CDHR2: variants seen among roughly 807,000 people sequenced by gnomAD.
CDHR2 encodes the protein cadherin-related family member 2.
In CDHR2, 104 loss-of-function variants were observed where a neutral mutation model predicts 138.6. The ratio of observed to expected loss-of-function variants is 0.75; its 90% CI spans 0.64 to 0.88. The LOEUF is 0.88. Ranked by LOEUF, CDHR2 falls within the 40% of genes least tolerant of loss-of-function variation. CDHR2 has a pLI of 0.00. For missense variants in CDHR2, 1,624 were observed against 1,727.6 expected (o/e 0.94, Z 1.06); for synonymous variants, 755 against 742.8 (o/e 1.02, Z -0.27).
Position 176,586,112 on chromosome 5 carries a change from G to C in CDHR2, c.2806+87G>C, listed in dbSNP as rs1215349438. On this transcript the variant is annotated intron_variant, in intron 20 of 31. Coordinates refer to ENST00000261944, the MANE Select transcript of CDHR2 (RefSeq NM_017675.6). ...CCGACAGACCCTCCTTGGACCCCAG[G>C]GGGAGCCTTTAGAAAGGGGGGAAGG... The C allele has an allele frequency of 4.7e-6, 5 of 1,061,882 alleles. No homozygotes were observed. In the East Asian group the frequency reaches 1.2e-4, roughly 25 times the overall value. The allele number at this position is 1,061,882 out of a possible 1,614,324, so 65.8% of individuals were successfully genotyped here.
intron 30 of CDHR2, 97 bp downstream of exon 30, chr5:176,591,581 C>A (rs897495280): frequency 3.3e-6 from 3 of 920,436 alleles, no homozygotes; most frequent in Middle Eastern, 2.2e-4. Flanking sequence ...ATGGTGATGA[C>A]AATGGTGATG....
At chr5:176,585,841 C>A in intron 19 of CDHR2, 113 bp from the exon 20 acceptor site, 1 of 786,074 alleles carries the variant, frequency 1.3e-6, no homozygotes, top group Non-Finnish European at 2.1e-6. Flanking sequence ...CTGCGGGGCA[C>A]GGGGTTGAGG....
At chr5:176,574,851 A>G (rs1758326666) in intron 7 of CDHR2, among the ~76,000 whole-genome samples, 1 of 152,206 alleles carries the variant, frequency 6.6e-6, no homozygotes, top group South Asian at 2.1e-4. Context: ...TGTGGAAGCC[A>G]CAGAGATGGA....
At chr5:176,565,157 C>T (rs1013187865) in intron 1 of CDHR2, 181 bp from the exon 2 acceptor site, 11 of 594,912 alleles carry the variant, frequency 1.8e-5, no homozygotes, top group African/African-American at 1.7e-4. Context: ...CCCACCTGGC[C>T]TCCCCCTTGG....
intron 1 of CDHR2, among the ~76,000 whole-genome samples, chr5:176,560,132 C>T (rs1401131923): frequency 6.6e-6 from 1 of 152,234 alleles, no homozygotes; most frequent in Non-Finnish European, 1.5e-5. Flanking sequence ...CGCAGTGGCT[C>T]ACGCCTGTAA....
Position 176,580,170 on chromosome 5 carries a change from TCACA to T in CDHR2, c.1819-1167_1819-1164del, listed in dbSNP as rs551842923. ...CTCACACACACACTCACACACGCAC[TCACA>T]CACACTCACACACGCACTCACAGAC... On this transcript the variant is annotated intron_variant, in intron 16 of 31. Coordinates refer to ENST00000261944, the MANE Select transcript of CDHR2 (RefSeq NM_017675.6). Among the ~76,000 whole-genome samples the T allele has an allele frequency of 5.7e-4, 85 of 148,030 alleles. No homozygotes were observed. The East Asian group carries it at 0.015, about 27-fold the overall frequency.
Position 176,552,099 on chromosome 5 carries a change from G to A in CDHR2, c.-16+2685G>A, listed in dbSNP as rs538554091. On this transcript the variant is annotated intron_variant, in intron 1 of 31. Coordinates refer to ENST00000261944, the MANE Select transcript of CDHR2 (RefSeq NM_017675.6). ...CTGGGACCTTGTTTCACACCCATGC[G>A]TTGGCCTGAGGCTGCCCCAGCAGGG... Among the ~76,000 whole-genome samples the A allele has an allele frequency of 3.9e-5, 6 of 152,312 alleles. No individual in the cohort carries two copies. In the South Asian group the frequency reaches 8.3e-4, roughly 21 times the overall value.
intron 20 of CDHR2, 85 bp downstream of exon 20, chr5:176,586,110 AG>A (rs35000974): frequency 9.4e-6 from 10 of 1,064,788 alleles, no homozygotes; most frequent in African/African-American, 1.6e-5. Context: ...CTTGGACCCC[AG>A]GGGGAGCCTT....
Position 176,584,427 on chromosome 5 carries a change from G to A in CDHR2, c.2146G>A (p.Val716Met), listed in dbSNP as rs1309224228. 1.3e-6 allele frequency: 2 copies of A among 1,598,904 alleles called. No individual in the cohort carries two copies. Among genetic ancestry groups the A allele is most frequent in the Non-Finnish European group, 1.7e-6 (2 of 1,170,570 alleles). ...EEDPGVLVGV[V>M]KAWDADQTEA... ...GTCCACAGGAGTGCTAGTGGGCGTG[G>A]TGAAGGCCTGGGACGCGGACCAGAC... Residue 716 changes from valine to methionine, a missense_variant, in exon 19 of 32, where the codon GTG becomes ATG. Around this residue, in one of 3 missense-constraint regions of CDHR2, gnomAD observed 1,061 missense variants for 1,136.6 expected, o/e 0.93. Coordinates refer to ENST00000261944, the MANE Select transcript of CDHR2 (RefSeq NM_017675.6).
chr5:176,565,810 T>C, intron 3 of CDHR2, 67 bp downstream of exon 3: 1 of 1,243,550 alleles, frequency 8.0e-7, no homozygotes, highest in Non-Finnish European at 1.2e-6. Context: ...TGGGGTGCCC[T>C]CTGGAGCCCC....
rs1270219515 is a variant in CDHR2, at chr5:176,543,107, G to A, written c.-16+338G>A. 1.3e-5 allele frequency among the ~76,000 whole-genome samples: 2 copies of A among 151,466 alleles called. No homozygotes were observed. The highest frequency in any genetic ancestry group is 6.6e-5 in the Admixed American group (1 of 15,242). On this transcript the variant is annotated intron_variant, in intron 1 of 31. Transcript: ENST00000510636. The surrounding 1 kb of genome is among the most constrained non-coding windows in gnomAD (Gnocchi z 4.0). ...CGGCGCAGCTCCCGCTGCCGGGCCC[G>A]GGACTGCGAGCTCCCGCCGTGCGGG...
intron 1 of CDHR2, among the ~76,000 whole-genome samples, chr5:176,544,193 T>A (rs549406948): frequency 3.9e-5 from 6 of 152,342 alleles, no homozygotes; most frequent in Non-Finnish European, 7.3e-5. Flanking sequence ...CCGGGTCTAC[T>A]TAGTTTTTAA....
rs758415121 is a variant in CDHR2, at chr5:176,584,239, C to T, written c.2108C>T (p.Thr703Met). 10 of 1,613,910 alleles carry T rather than the reference C, an allele frequency of 6.2e-6. No individual in the cohort carries two copies. The highest frequency in any genetic ancestry group is 2.2e-5 in the East Asian group (1 of 44,892). The change falls in exon 18 of 32, where the codon ACG becomes ATG. Residue 703 changes from threonine (T) to methionine (M), a missense_variant. Around this residue, in one of 3 missense-constraint regions of CDHR2, gnomAD observed 1,061 missense variants for 1,136.6 expected, o/e 0.93. Transcript: ENST00000261944. ...PIFNQSSYNF[T>M]VKEEDPGVLV... ...TTCAATCAGTCCAGCTACAACTTTACGGTGAAGGAGGAGGATCCAGGTATG... is the reference window on the plus strand; with the variant it reads ...TTCAATCAGTCCAGCTACAACTTTATGGTGAAGGAGGAGGATCCAGGTATG...
chr5:176,547,272 A>T (rs1297693845), upstream of CDHR2, among the ~76,000 whole-genome samples: 5 of 152,228 alleles, frequency 3.3e-5, no homozygotes, highest in Middle Eastern at 3.4e-3. Flanking sequence ...CCACCAGCCT[A>T]TGCAAATGTT....
At chr5:176,573,596 G>A (rs750331913) in intron 6 of CDHR2, among the ~76,000 whole-genome samples, 2 of 151,798 alleles carry the variant, frequency 1.3e-5, no homozygotes, top group East Asian at 1.9e-4. Context: ...ACAGTGAGCC[G>A]AGATCGTGCC....
Position 176,591,482 on chromosome 5 carries a change from C to G in CDHR2, c.3732C>G (p.Val1244=), listed in dbSNP as rs924610243. 6.8e-6 allele frequency: 11 copies of G among 1,611,658 alleles called. No individual in the cohort carries two copies. The highest frequency in any genetic ancestry group is 9.3e-6 in the Non-Finnish European group (11 of 1,178,002). Reference sequence around the variant, plus strand: ...CTCCCTCCAATGACCTGGACTCTGTCAGGTGAGCAGTGCCCCTCACAGCCA... The same window carrying G: ...CTCCCTCCAATGACCTGGACTCTGTGAGGTGAGCAGTGCCCCTCACAGCCA... ...YLSPSNDLDS[V]SVNSLDDNSV... is the part of the protein sequence containing the mutation. Residue 1244 remains valine (V), a splice_region_variant and synonymous_variant, in exon 30 of 32, where the codon GTC becomes GTG. Coordinates refer to ENST00000261944, the MANE Select transcript of CDHR2 (RefSeq NM_017675.6).
intron 30 of CDHR2, among the ~76,000 whole-genome samples, chr5:176,592,084 G>GTGA (rs1758875550): frequency 7.5e-6 from 1 of 132,582 alleles, no homozygotes; most frequent in East Asian, 2.0e-4. Flanking sequence ...AGTTATCGTG[G>GTGA]TGGTGGTGGT....
intron 16 of CDHR2, 126 bp from the exon 17 acceptor site, chr5:176,581,217 C>A: frequency 7.8e-7 from 1 of 1,278,222 alleles, no homozygotes; most frequent in Non-Finnish European, 1.1e-6. Flanking sequence ...GGAGATGGGC[C>A]CAGGGGCTCC....
At position 176,552,602 on chromosome 5, in the gene CDHR2, G is replaced by A. The variant is rs142789222; in HGVS notation, c.-16+3188G>A. On this transcript the variant is annotated intron_variant, in intron 1 of 31. Transcript: ENST00000261944. ...TAGCATTGGGGCAGGCCGTTATTGC[G>A]CCTTCGCCAGCCCACACAGACACTG... 4.8e-3 allele frequency among the ~76,000 whole-genome samples: 728 copies of A among 152,180 alleles called. 8 individuals are homozygous for A. Among genetic ancestry groups the A allele is most frequent in the African/African-American group, 0.017 (691 of 41,448 alleles).
Sources: gnomAD v4.1 joint callset for allele counts (sites outside exome capture counted in the v4.1 genomes callset) on GRCh38, gnomAD v4.1.1 for gene constraint, gnomAD v4.1.1 regional missense constraint, Gnocchi (gnomAD v3.1) non-coding constraint, MANE v1.5 for transcripts, NCBI Gene and HGNC (gene_info 2026-07-23, HGNC 2026-07-21) for gene names.